NEDD4L: variants seen among roughly 807,000 people sequenced by gnomAD.
NEDD4L encodes NEDD4 like E3 ubiquitin protein ligase.
In NEDD4L, 54 loss-of-function variants were observed where a neutral mutation model predicts 148.9. The observed-to-expected ratio is 0.36, with a 90% CI of 0.29 to 0.45. The LOEUF is 0.45. Among genes scored for constraint, NEDD4L ranks in the 20% least tolerant of loss-of-function variants. The pLI is 1.00. For missense variants in NEDD4L, 856 were observed against 1,233.8 expected (o/e 0.69, Z 4.59); for synonymous variants, 433 against 440.7 (o/e 0.98, Z 0.22).
chr18:58,396,476 A>T lies in NEDD4L; in HGVS notation c.*207A>T. ...CTGCCTTTCCCACCACAAATTATCAACTGGTTGATGTGTACACTAATTACA... is the reference window on the plus strand; with the variant it reads ...CTGCCTTTCCCACCACAAATTATCATCTGGTTGATGTGTACACTAATTACA... On this transcript the variant is annotated 3_prime_UTR_variant, in exon 31 of 31. Transcript: ENST00000400345. 1 of 497,990 alleles carries T rather than the reference A, an allele frequency of 2.0e-6. No homozygotes were observed. The allele number at this position is 497,990 out of a possible 1,614,324, so 30.8% of individuals were successfully genotyped here.
intron 2 of NEDD4L, among the ~76,000 whole-genome samples, chr18:58,222,189 C>T (rs1426962781): frequency 6.6e-6 from 1 of 152,186 alleles, no homozygotes; most frequent in African/African-American, 2.4e-5. Flanking sequence ...ATTGTGTTTT[C>T]CTTCCTGTTC....
chr18:58,046,485 C>T (rs2081592016), intron 1 of NEDD4L: 2 of 152,140 alleles, frequency 1.3e-5, no homozygotes, highest in Non-Finnish European at 2.9e-5. Flanking sequence ...TTTGTAAAAA[C>T]TCCCCCGAAA....
chr18:58,197,278 A>G (rs2040826802), intron 2 of NEDD4L, among the ~76,000 whole-genome samples: 2 of 152,302 alleles, frequency 1.3e-5, no homozygotes, highest in Non-Finnish European at 2.9e-5. Flanking sequence ...CCTGTTTATA[A>G]TTCCTTACCT....
intron 1 of NEDD4L, among the ~76,000 whole-genome samples, chr18:58,116,100 T>A (rs2085817784): frequency 6.6e-6 from 1 of 152,226 alleles, no homozygotes; most frequent in Non-Finnish European, 1.5e-5. Flanking sequence ...CACACCCCAG[T>A]GTGCCTCTTT....
chr18:58,255,962 G>T (rs185712362), intron 5 of NEDD4L: 2 of 1,230,872 alleles, frequency 1.6e-6, no homozygotes, highest in Non-Finnish European at 2.0e-6. Context: ...GGACGGGTGC[G>T]GGCCGCCCGA....
chr18:58,300,460 C>T (rs1254081486), intron 5 of NEDD4L, among the ~76,000 whole-genome samples: 1 of 152,224 alleles, frequency 6.6e-6, no homozygotes, highest in Non-Finnish European at 1.5e-5. Context: ...GTGTTATCCC[C>T]ACTTTGCAAA....
chr18:58,062,310 G>A (rs2082369486), intron 1 of NEDD4L, among the ~76,000 whole-genome samples: 1 of 152,120 alleles, frequency 6.6e-6, no homozygotes, highest in Non-Finnish European at 1.5e-5. Flanking sequence ...CCTGAAAGGT[G>A]CCGGCTCAGG....
At chr18:58,048,396 C>T (rs1372112272) in intron 1 of NEDD4L, among the ~76,000 whole-genome samples, 1 of 152,086 alleles carries the variant, frequency 6.6e-6, no homozygotes, top group Non-Finnish European at 1.5e-5. Context: ...AAGCCTTGTG[C>T]ACATACTATG....
intron 5 of NEDD4L, among the ~76,000 whole-genome samples, chr18:58,293,515 A>G (rs1817581775): frequency 6.6e-6 from 1 of 152,228 alleles, no homozygotes; most frequent in Admixed American, 6.5e-5. Context: ...CAGGTTGTGT[A>G]CAAGAAAGCT....
intron 1 of NEDD4L, among the ~76,000 whole-genome samples, chr18:58,156,394 C>A (rs2035499910): frequency 6.6e-6 from 1 of 152,230 alleles, no homozygotes; most frequent in South Asian, 2.1e-4. Context: ...GAACAATCTG[C>A]TTTTCACTAT....
At chr18:58,348,028 C>T (rs572803326) in intron 16 of NEDD4L, among the ~76,000 whole-genome samples, 11 of 152,018 alleles carry the variant, frequency 7.2e-5, no homozygotes, top group African/African-American at 2.7e-4. Flanking sequence ...AGACTCACTG[C>T]ATCACCCAGG....
chr18:58,330,774 G>A lies in NEDD4L; in HGVS notation c.850G>A (p.Gly284Arg). The A allele has an allele frequency of 3.1e-6, 5 of 1,611,328 alleles. No individual in the cohort carries two copies. Among genetic ancestry groups the A allele is most frequent in the Non-Finnish European group, 4.2e-6 (5 of 1,178,304 alleles). ...ETISEEVNIA[G>R]DSLGLALPPP... ...CATTTCAGAGGAAGTGAATATCGCT[G>A]GAGACTCTCTCGGTCTGGCTCTGCC... is the stretch of plus-strand genomic sequence containing the variant. The change falls in exon 11 of 31, where the codon GGA (glycine) becomes AGA (arginine). Residue 284 changes from glycine (G) to arginine (R), a missense_variant. Physicochemically the swap from Gly to Arg is moderately radical, Grantham distance 125. Coordinates refer to ENST00000400345, the MANE Select transcript of NEDD4L (RefSeq NM_001144967.3).
intron 6 of NEDD4L, among the ~76,000 whole-genome samples, chr18:58,320,497 T>C (rs577495026): frequency 6.6e-6 from 1 of 152,336 alleles, no homozygotes; most frequent in Admixed American, 6.5e-5. Flanking sequence ...CCACATGTCG[T>C]TGACATAATA....
At chr18:58,083,070 A>G (rs2083554689) in intron 1 of NEDD4L, among the ~76,000 whole-genome samples, 1 of 152,172 alleles carries the variant, frequency 6.6e-6, no homozygotes, top group South Asian at 2.1e-4. Context: ...TTCTAAGGGT[A>G]GAGAGGGTAC....
chr18:58,060,080 G>T (rs9965270), intron 1 of NEDD4L, among the ~76,000 whole-genome samples: 120,137 of 148,550 alleles, frequency 0.81, 49,156 homozygotes, highest in East Asian at 1. Flanking sequence ...GTAGACACCC[G>T]GAGTGGAACC....
intron 1 of NEDD4L, among the ~76,000 whole-genome samples, chr18:58,142,527 A>G (rs958646686): frequency 1.1e-4 from 17 of 152,342 alleles, no homozygotes; most frequent in African/African-American, 3.8e-4. Flanking sequence ...AAATAGGGTC[A>G]AACATGTTCC....
At chr18:58,121,614 G>C (rs1208912985) in intron 1 of NEDD4L, among the ~76,000 whole-genome samples, 1 of 152,104 alleles carries the variant, frequency 6.6e-6, no homozygotes, top group Non-Finnish European at 1.5e-5. Flanking sequence ...TCACTGTGTT[G>C]CCCAGGCTGG....
rs199853503 is a variant in NEDD4L at position 58,205,496 on chromosome 18, GTA to G, written c.122+39637_122+39638del. ...CTATTTTGACTAGAGGGGTGTGTGT[GTA>G]TGTGTGTGTGTGTGTGTGTGTGGTT... On this transcript the variant is annotated intron_variant, in intron 2 of 30. Transcript: ENST00000400345. Among the ~76,000 whole-genome samples, 1,143 of 149,772 alleles carry G rather than the reference GTA, an allele frequency of 7.6e-3. 4 individuals carry two copies. Among genetic ancestry groups the G allele is most frequent in the Middle Eastern group, 0.028 (8 of 290 alleles).
intron 1 of NEDD4L, among the ~76,000 whole-genome samples, chr18:58,076,980 A>G (rs1269651617): frequency 1.3e-5 from 2 of 150,244 alleles, no homozygotes; most frequent in Non-Finnish European, 2.9e-5. Flanking sequence ...CCTTCTGAGT[A>G]GCTGGGACTA....
Sources: allele counts gnomAD v4.1 joint callset (sites outside exome capture counted in the v4.1 genomes callset), GRCh38; gene constraint gnomAD v4.1.1; transcripts MANE v1.5; gene names NCBI Gene and HGNC (gene_info 2026-07-23, HGNC 2026-07-21).